The following STPG2 variants were observed in gnomAD, a reference collection of about 807,000 sequenced individuals.
The protein encoded by STPG2 is sperm tail PG-rich repeat containing 2.
In STPG2, 56 loss-of-function variants were observed where a neutral mutation model predicts 54.2. The ratio of observed to expected loss-of-function variants is 1.03; its 90% CI spans 0.83 to 1.29. The LOEUF is 1.29. STPG2 is among the 50% of genes most tolerant of loss of function. The pLI, the probability that STPG2 is intolerant of heterozygous loss-of-function variation, is 0.00. For missense variants in STPG2, 596 were observed against 544.9 expected (o/e 1.09, Z -0.93); for synonymous variants, 200 against 181.8 (o/e 1.10, Z -0.81).
intron 8 of STPG2, among the ~76,000 whole-genome samples, chr4:97,878,710 G>T (rs1438415686): frequency 6.6e-6 from 1 of 152,184 alleles, no homozygotes; most frequent in African/African-American, 2.4e-5. Context: ...CTGCTCTGAA[G>T]ACCTCTGACA....
chr4:97,739,626 A>C (rs1725150226), intron 9 of STPG2, among the ~76,000 whole-genome samples: 1 of 152,206 alleles, frequency 6.6e-6, no homozygotes, highest in South Asian at 2.1e-4. Context: ...GAAATGGATA[A>C]ATTCCTCGAC....
intron 4 of STPG2, among the ~76,000 whole-genome samples, chr4:97,452,120 A>ACCCCCC (rs70953067): frequency 5.1e-5 from 1 of 19,442 alleles, no homozygotes; most frequent in Non-Finnish European, 8.7e-5. Context: ...CCCCGCCCCC[A>ACCCCCC]CCCCCCCCCC....
intron 5 of STPG2, among the ~76,000 whole-genome samples, chr4:98,098,013 G>A (rs1738912278): frequency 6.6e-6 from 1 of 152,028 alleles, no homozygotes; most frequent in Non-Finnish European, 1.5e-5. Flanking sequence ...TCATCGATTG[G>A]AAGAATCAAT....
At chr4:98,112,091 A>G (rs914713803) in intron 3 of STPG2, among the ~76,000 whole-genome samples, 1 of 152,112 alleles carries the variant, frequency 6.6e-6, no homozygotes, top group Non-Finnish European at 1.5e-5. Context: ...CTCAGCCTCC[A>G]TAATCACATG....
chr4:97,742,519 C>CTGTGTG (rs150619013), intron 9 of STPG2, among the ~76,000 whole-genome samples: 280 of 125,100 alleles, frequency 2.2e-3, no homozygotes, highest in African/African-American at 4.1e-3. Flanking sequence ...AATGAATAAA[C>CTGTGTG]TGTGTGTGTG....
chr4:97,877,772 G>A (rs1730232578), intron 8 of STPG2, among the ~76,000 whole-genome samples: 1 of 152,080 alleles, frequency 6.6e-6, no homozygotes, highest in African/African-American at 2.4e-5. Flanking sequence ...CCAATCTCAT[G>A]TCTTCACATC....
chr4:97,868,481 T>C (rs1185769264), intron 8 of STPG2, among the ~76,000 whole-genome samples: 1 of 151,826 alleles, frequency 6.6e-6, no homozygotes, highest in East Asian at 1.9e-4. Context: ...TAGCATAAGT[T>C]AAGATCATAA....
At chr4:97,499,701 C>T (rs1730684149) in intron 4 of STPG2, among the ~76,000 whole-genome samples, 1 of 151,568 alleles carries the variant, frequency 6.6e-6, no homozygotes, top group South Asian at 2.1e-4. Flanking sequence ...CAGGGAAGGC[C>T]TCTGGGAGAA....
chr4:97,883,178 T>C (rs768284620), intron 8 of STPG2, among the ~76,000 whole-genome samples: 1 of 151,124 alleles, frequency 6.6e-6, no homozygotes, highest in Non-Finnish European at 1.5e-5. Flanking sequence ...TATACACATA[T>C]ATACATATAT....
At chr4:97,848,191 T>A (rs1437882525) in intron 8 of STPG2, among the ~76,000 whole-genome samples, 1 of 152,214 alleles carries the variant, frequency 6.6e-6, no homozygotes, top group African/African-American at 2.4e-5. Flanking sequence ...AGTATCTCTT[T>A]CATTAAGCAT....
intron 5 of STPG2, among the ~76,000 whole-genome samples, chr4:98,020,188 T>C (rs1378854365): frequency 7.5e-6 from 1 of 133,528 alleles, no homozygotes; most frequent in Non-Finnish European, 1.6e-5. Flanking sequence ...TTGAGATATG[T>C]CCCATCAATA....
At position 97,604,310 on chromosome 4, in the gene STPG2, G is replaced by A. The variant is rs942883666; in HGVS notation, c.1321-45193C>T. ...ATCCACATTGAATTGAACTGGGAACGCTTTAATAATTGGCATTTAAAAAAG... is the reference window on the plus strand; with the variant it reads ...ATCCACATTGAATTGAACTGGGAACACTTTAATAATTGGCATTTAAAAAAG... On this transcript the variant is annotated intron_variant, in intron 10 of 10. Transcript: ENST00000295268. Among the ~76,000 whole-genome samples the A allele has an allele frequency of 6.1e-4, 93 of 151,734 alleles. 1 individual carries two copies. Among genetic ancestry groups the A allele is most frequent in the Middle Eastern group, 6.8e-3 (2 of 294 alleles).
chr4:98,060,860 G>C (rs1191317700), intron 5 of STPG2, among the ~76,000 whole-genome samples: 1 of 152,188 alleles, frequency 6.6e-6, no homozygotes, highest in East Asian at 1.9e-4. Context: ...TAACTGGCTA[G>C]CCTTATATAG....
At chr4:98,025,875 A>G in intron 5 of STPG2, 2 of 1,598,350 alleles carry the variant, frequency 1.3e-6, no homozygotes, top group Non-Finnish European at 1.7e-6. Context: ...GGCACCCTGA[A>G]GGGAGCTGTG....
chr4:97,935,261 C>T (rs1467222841), intron 8 of STPG2, among the ~76,000 whole-genome samples: 1 of 151,996 alleles, frequency 6.6e-6, no homozygotes, highest in Admixed American at 6.6e-5. Context: ...CTTTATTATG[C>T]TAGCTACATT....
At chr4:97,881,505 G>A (rs1419835104) in intron 8 of STPG2, among the ~76,000 whole-genome samples, 3 of 152,072 alleles carry the variant, frequency 2.0e-5, no homozygotes, top group Non-Finnish European at 4.4e-5. Flanking sequence ...GGGCAAGTAA[G>A]AAAATATCTC....
chr4:97,956,638 C>T (rs1361383365), intron 7 of STPG2, among the ~76,000 whole-genome samples: 1 of 152,136 alleles, frequency 6.6e-6, no homozygotes, highest in Non-Finnish European at 1.5e-5. Context: ...GTTCACATCA[C>T]AGAACTCTGC....
chr4:97,670,381 T>C (rs1722662310), intron 10 of STPG2, among the ~76,000 whole-genome samples: 1 of 152,184 alleles, frequency 6.6e-6, no homozygotes, highest in South Asian at 2.1e-4. Flanking sequence ...ATGGAATCAA[T>C]AGTGGTTGGT....
chr4:97,896,240 A>T lies in STPG2; in HGVS notation c.1044+47657T>A, dbSNP rs563563443. On this transcript the variant is annotated intron_variant, in intron 8 of 10. Transcript: ENST00000295268. ...TGAACTCATCACTGTGGCAAGAGAG[A>T]CAGAATTATGGTAATCATCATAACT... is the stretch of plus-strand genomic sequence containing the variant. Among the ~76,000 whole-genome samples the T allele has an allele frequency of 5.9e-5, 9 of 151,904 alleles. No individual in the cohort carries two copies. In the South Asian group the frequency reaches 1.0e-3, roughly 17 times the overall value.
Sources: allele counts gnomAD v4.1 joint callset (sites outside exome capture counted in the v4.1 genomes callset), GRCh38; gene constraint gnomAD v4.1.1; transcripts MANE v1.5; gene names NCBI Gene and HGNC (gene_info 2026-07-23, HGNC 2026-07-21).